The following EPB41L5 variants were observed in gnomAD, a reference collection of about 807,000 sequenced individuals.
EPB41L5 encodes erythrocyte membrane protein band 4.1 like 5.
Under a neutral mutation model 106.6 loss-of-function variants are expected in EPB41L5, and 55 were observed. The ratio of observed to expected loss-of-function variants is 0.52; its 90% CI spans 0.42 to 0.65. The LOEUF is 0.65. Among genes scored for constraint, EPB41L5 ranks in the 30% least tolerant of loss-of-function variants. The pLI, the probability that EPB41L5 is intolerant of heterozygous loss-of-function variation, is 0.00. For missense variants in EPB41L5, 871 were observed against 882.1 expected (o/e 0.99, Z 0.16); for synonymous variants, 297 against 306.7 (o/e 0.97, Z 0.33).
intron 16 of EPB41L5, among the ~76,000 whole-genome samples, chr2:120,102,750 C>T (rs1284759885): frequency 6.6e-6 from 1 of 152,072 alleles, no homozygotes; most frequent in East Asian, 1.9e-4. Flanking sequence ...TAAATGACAC[C>T]ATTATTAGAG....
intron 11 of EPB41L5, 128 bp from the exon 12 acceptor site, chr2:120,090,219 A>C: frequency 1.5e-6 from 1 of 679,832 alleles, no homozygotes; most frequent in Non-Finnish European, 2.3e-6. Flanking sequence ...TGTTGATACT[A>C]TAAAGAGTGT....
At chr2:120,074,310 G>T (rs1682080998) in intron 5 of EPB41L5, 132 bp downstream of exon 5, 3 of 612,988 alleles carry the variant, frequency 4.9e-6, no homozygotes, top group Non-Finnish European at 8.4e-6. Flanking sequence ...TCAAATAATA[G>T]AATTTTATTC....
In EPB41L5 at chr2:120,045,138, G is replaced by A. The variant is rs116670581; in HGVS notation, c.285+3028G>A. Among the ~76,000 whole-genome samples, 1,160 of 152,206 alleles carry A rather than the reference G, an allele frequency of 7.6e-3. 17 individuals are homozygous for A. The highest frequency in any genetic ancestry group is 0.026 in the African/African-American group (1,071 of 41,534). ...GCATATGGCATGTCCATATATGTAA[G>A]GTTAATGTGCCACATTTTAGTTTAT... On this transcript the variant is annotated intron_variant, in intron 3 of 24. Transcript: ENST00000263713.
intron 3 of EPB41L5, among the ~76,000 whole-genome samples, chr2:120,055,663 G>A (rs1445093442): frequency 6.6e-6 from 1 of 151,342 alleles, no homozygotes; most frequent in Non-Finnish European, 1.5e-5. Flanking sequence ...GTTTATAGAA[G>A]TCTCACTTCC....
At chr2:120,093,325 T>C (rs374732378) in intron 14 of EPB41L5, 49 bp downstream of exon 14, 4 of 1,473,612 alleles carry the variant, frequency 2.7e-6, no homozygotes, top group Non-Finnish European at 3.8e-6. Context: ...TTGGGATTTA[T>C]GTAGTTGCTA....
chr2:120,030,961 C>G lies in EPB41L5; in HGVS notation c.181-11045C>G, dbSNP rs541595189. The stretch of plus-strand genomic sequence containing the variant: ...GTGTGATCTTGGCTCACTGCAGCCT[C>G]TGCCTCCCGGGTTCAAGTGATTCTC... On this transcript the variant is annotated intron_variant, in intron 2 of 24. Transcript: ENST00000263713. 2.0e-5 allele frequency among the ~76,000 whole-genome samples: 3 copies of G among 152,202 alleles called. No individual in the cohort carries two copies. The South Asian group carries it at 6.2e-4, about 32-fold the overall frequency.
intron 3 of EPB41L5, among the ~76,000 whole-genome samples, chr2:120,054,501 T>G (rs926915794): frequency 1.7e-4 from 23 of 133,822 alleles, no homozygotes; most frequent in African/African-American, 6.3e-4. Flanking sequence ...TCTAAAAGTT[T>G]TTTTTTTTTT....
In EPB41L5 at chr2:120,176,071, G is replaced by T. The variant is rs984261212; in HGVS notation, c.*1164G>T. The stretch of plus-strand genomic sequence containing the variant: ...TTTGGGCCTGTACAAAGAAATTCTG[G>T]ATGTTAAAATAATATATACTCATCA... On this transcript the variant is annotated 3_prime_UTR_variant, in exon 25 of 25. Transcript: ENST00000263713. 13 of 152,582 alleles carry T rather than the reference G, an allele frequency of 8.5e-5. No homozygotes were observed. Among genetic ancestry groups the T allele is most frequent in the Non-Finnish European group, 1.2e-4 (8 of 68,032 alleles). 9.5% of individuals were successfully genotyped at this position (152,582 alleles called of 1,614,324 possible). A position where few individuals can be genotyped will look rare whatever the true frequency, so the allele number is the denominator to read the frequency against.
At chr2:120,076,023 A>G (rs1682209685) in intron 7 of EPB41L5, among the ~76,000 whole-genome samples, 2 of 152,208 alleles carry the variant, frequency 1.3e-5, no homozygotes, top group African/African-American at 4.8e-5. Context: ...GCCTTCGGCT[A>G]ACTTTTTCCT....
At chr2:120,100,626 C>A in intron 15 of EPB41L5, 73 bp from the exon 16 acceptor site, 1 of 1,030,734 alleles carries the variant, frequency 9.7e-7, no homozygotes, top group Non-Finnish European at 1.5e-6. Flanking sequence ...AATAGTACTC[C>A]ATTTTAGTAT....
At chr2:120,166,745 A>C (rs1437010944) in intron 22 of EPB41L5, among the ~76,000 whole-genome samples, 1 of 152,150 alleles carries the variant, frequency 6.6e-6, no homozygotes, top group East Asian at 1.9e-4. Flanking sequence ...CTGTGTTTTT[A>C]TTCTTTTGGT....
intron 17 of EPB41L5, among the ~76,000 whole-genome samples, chr2:120,131,250 G>C (rs955060169): frequency 1.3e-5 from 2 of 152,184 alleles, no homozygotes; most frequent in African/African-American, 4.8e-5. Context: ...AAGTGTTGAG[G>C]TTAGACATGA....
chr2:120,171,043 T>G (rs1167277331), intron 24 of EPB41L5, among the ~76,000 whole-genome samples: 2 of 152,214 alleles, frequency 1.3e-5, no homozygotes. Context: ...CCCACCCATC[T>G]CCACAGATTT....
At chr2:120,057,394 TCTTAAA>T (rs1327474277) in intron 3 of EPB41L5, among the ~76,000 whole-genome samples, 11 of 152,208 alleles carry the variant, frequency 7.2e-5, no homozygotes, top group South Asian at 2.1e-4. Context: ...CCAGTGATGA[TCTTAAA>T]CTTAGAGTTA....
chr2:120,175,108 G>C lies in EPB41L5; in HGVS notation c.*201G>C. On this transcript the variant is annotated 3_prime_UTR_variant, in exon 25 of 25. Transcript: ENST00000263713. ...AATCACACTGCATAGCTGCCCAAAA[G>C]AGAGTGTTTGGTCTTGAACTTTCTA... is the stretch of plus-strand genomic sequence containing the variant. The C allele has an allele frequency of 1.7e-6, 1 of 577,824 alleles. No homozygotes were observed. Among genetic ancestry groups the C allele is most frequent in the Non-Finnish European group, 3.1e-6 (1 of 319,334 alleles). The allele number at this position is 577,824 out of a possible 1,614,324, so 35.8% of individuals were successfully genotyped here.
Position 120,127,855 on chromosome 2 carries a change from A to T in EPB41L5, c.1501+4A>T, listed in dbSNP as rs1470722011. 4 of 1,604,648 alleles carry T rather than the reference A, an allele frequency of 2.5e-6. No homozygotes were observed. The highest frequency in any genetic ancestry group is 2.2e-5 in the South Asian group (2 of 89,916). On this transcript the variant is annotated splice_donor_region_variant and intron_variant, in intron 17 of 24. Coordinates refer to ENST00000263713, the MANE Select transcript of EPB41L5 (RefSeq NM_020909.4). ...GAACCTGAAGTTGAATATGAGAGTA[A>T]GTAAATGTTCCATTATACATCAGTG...
chr2:120,142,741 A>T lies in EPB41L5; in HGVS notation c.1600-262A>T, dbSNP rs188526160. 9.2e-5 allele frequency among the ~76,000 whole-genome samples: 14 copies of T among 152,274 alleles called. No homozygotes were observed. The East Asian group carries it at 2.5e-3, about 27-fold the overall frequency. On this transcript the variant is annotated intron_variant, in intron 18 of 24. Coordinates refer to ENST00000263713, the MANE Select transcript of EPB41L5 (RefSeq NM_020909.4). ...GAATTCCAGCAAACTGTGTTTATAC[A>T]ACAGGTGGTTGGCCAGATTTGCCCT...
intron 16 of EPB41L5, chr2:120,104,401 G>T: frequency 7.2e-7 from 1 of 1,387,456 alleles, no homozygotes; most frequent in Non-Finnish European, 9.3e-7. Flanking sequence ...TCCATGAAAG[G>T]GACAAGGAAT....
At chr2:120,096,746 C>T (rs1426799064) in intron 14 of EPB41L5, among the ~76,000 whole-genome samples, 2 of 152,080 alleles carry the variant, frequency 1.3e-5, no homozygotes, top group African/African-American at 2.4e-5. Context: ...GCCGAGACTG[C>T]GCCACTGCAC....
Sources: gnomAD v4.1 joint callset for allele counts (sites outside exome capture counted in the v4.1 genomes callset) on GRCh38, gnomAD v4.1.1 for gene constraint, MANE v1.5 for transcripts, NCBI Gene and HGNC (gene_info 2026-07-23, HGNC 2026-07-21) for gene names.